The following PDE10A variants were observed in gnomAD, a reference collection of about 807,000 sequenced individuals.
The protein encoded by PDE10A is phosphodiesterase 10A.
Under a neutral mutation model 97.7 loss-of-function variants are expected in PDE10A, and 39 were observed. That is an observed-to-expected ratio of 0.40 (90% CI 0.31 to 0.52). The LOEUF is 0.52. PDE10A is among the 20% of genes least tolerant of loss of function. The pLI is 0.56. For synonymous variants in PDE10A, 371 were observed against 376.8 expected (o/e 0.98, Z 0.18); for missense variants, 731 against 1,047.8 (o/e 0.70, Z 4.17).
chr6:165,482,513 TA>T (rs1779665386), intron 2 of PDE10A, among the ~76,000 whole-genome samples, 170 bp from the exon 3 acceptor site: 1 of 152,212 alleles, frequency 6.6e-6, no homozygotes. Context: ...CATAACATAT[TA>T]CGAGTTAAGA....
At chr6:165,465,249 C>A (rs1778568151) in intron 3 of PDE10A, among the ~76,000 whole-genome samples, 1 of 152,208 alleles carries the variant, frequency 6.6e-6, no homozygotes, top group Admixed American at 6.5e-5. Context: ...TGAAGGAAAT[C>A]TGCGAGCTAC....
chr6:165,601,548 A>C (rs1786950134), intron 1 of PDE10A, among the ~76,000 whole-genome samples: 1 of 152,212 alleles, frequency 6.6e-6, no homozygotes, highest in Non-Finnish European at 1.5e-5. Context: ...TTTAAGATCC[A>C]ATTGCCCTGT....
At chr6:165,853,310 G>T (rs561397314) in intron 1 of PDE10A, among the ~76,000 whole-genome samples, 43 of 152,288 alleles carry the variant, frequency 2.8e-4, no homozygotes, top group Admixed American at 1.8e-3. Context: ...TGTCTGGAAG[G>T]CCACTGTGTT....
At chr6:165,514,518 G>A (rs1290464835) in intron 2 of PDE10A, among the ~76,000 whole-genome samples, 1 of 152,218 alleles carries the variant, frequency 6.6e-6, no homozygotes, top group Non-Finnish European at 1.5e-5. Flanking sequence ...ACTGGGAGCT[G>A]TGAAGAGATG....
intron 1 of PDE10A, among the ~76,000 whole-genome samples, chr6:165,559,510 T>C (rs1009761871): frequency 6.6e-6 from 1 of 152,218 alleles, no homozygotes; most frequent in Non-Finnish European, 1.5e-5. Flanking sequence ...TCTAGAACAA[T>C]TTGAAACATG....
intron 2 of PDE10A, among the ~76,000 whole-genome samples, chr6:165,488,066 C>T (rs888625983): frequency 7.3e-6 from 1 of 137,074 alleles, no homozygotes; most frequent in Non-Finnish European, 1.5e-5. Flanking sequence ...TTCCAGAGGA[C>T]ATTAATTTTT....
At chr6:165,403,368 A>G (rs1230594864) in intron 13 of PDE10A, among the ~76,000 whole-genome samples, 1 of 152,184 alleles carries the variant, frequency 6.6e-6, no homozygotes, top group African/African-American at 2.4e-5. Context: ...ATTATGGCGC[A>G]TGGGTAGCTT....
At chr6:165,626,962 C>G (rs1788417011) in intron 1 of PDE10A, among the ~76,000 whole-genome samples, 1 of 152,148 alleles carries the variant, frequency 6.6e-6, no homozygotes, top group African/African-American at 2.4e-5. Context: ...CAGATGGTGA[C>G]CCAGACTTGC....
At chr6:165,484,981 A>T (rs972731641) in intron 2 of PDE10A, among the ~76,000 whole-genome samples, 1 of 152,320 alleles carries the variant, frequency 6.6e-6, no homozygotes, top group South Asian at 2.1e-4. Flanking sequence ...ATGAGAAAGC[A>T]GAAGACTCCA....
chr6:165,912,034 CCTAT>C (rs141494260), intron 1 of PDE10A, among the ~76,000 whole-genome samples: 4,146 of 151,876 alleles, frequency 0.027, 175 homozygotes, highest in African/African-American at 0.096. Flanking sequence ...TCTCTTTTCA[CCTAT>C]CTATCTCTAT....
intron 1 of PDE10A, among the ~76,000 whole-genome samples, chr6:165,865,021 C>T (rs964048168): frequency 2.6e-5 from 4 of 152,118 alleles, no homozygotes; most frequent in African/African-American, 4.8e-5. Flanking sequence ...AAAATGTATG[C>T]TTTACCACCA....
At chr6:165,837,141 T>A (rs1336878508) in intron 1 of PDE10A, among the ~76,000 whole-genome samples, 1 of 151,504 alleles carries the variant, frequency 6.6e-6, no homozygotes, top group Non-Finnish European at 1.5e-5. Context: ...ATGGCACATG[T>A]ATACATATGT....
intron 1 of PDE10A, among the ~76,000 whole-genome samples, chr6:165,860,851 C>T (rs1183004141): frequency 6.6e-6 from 1 of 152,162 alleles, no homozygotes; most frequent in Non-Finnish European, 1.5e-5. Flanking sequence ...ACACAGAGGA[C>T]CTGAAGGGCT....
At chr6:165,610,530 C>CA (rs201763144) in intron 1 of PDE10A, among the ~76,000 whole-genome samples, 1,493 of 54,106 alleles carry the variant, frequency 0.028, 11 homozygotes, top group East Asian at 0.062. Flanking sequence ...GACTCCGTCT[C>CA]AAAAAAAAAA....
intron 19 of PDE10A, among the ~76,000 whole-genome samples, chr6:165,341,681 C>T (rs965690799): frequency 2.0e-5 from 3 of 152,190 alleles, no homozygotes; most frequent in East Asian, 3.8e-4. Flanking sequence ...AGCAACTCAA[C>T]TTTTTCTTGT....
At chr6:165,659,286 A>T (rs1038924387) in intron 1 of PDE10A, among the ~76,000 whole-genome samples, 1 of 152,244 alleles carries the variant, frequency 6.6e-6, no homozygotes, top group East Asian at 1.9e-4. Context: ...GAAAGAAAAA[A>T]AAAAGGAATG....
intron 1 of PDE10A, among the ~76,000 whole-genome samples, chr6:165,688,638 A>G (rs530419247): frequency 6.6e-5 from 10 of 152,388 alleles, no homozygotes; most frequent in Non-Finnish European, 1.2e-4. Context: ...GGATCTAGAA[A>G]GATCTCCAGG....
chr6:165,473,047 T>A (rs1779102466), intron 3 of PDE10A, among the ~76,000 whole-genome samples: 1 of 152,130 alleles, frequency 6.6e-6, no homozygotes, highest in Admixed American at 6.5e-5. Context: ...ATAACCAGTC[T>A]ATGAAAATTT....
At position 165,711,847 on chromosome 6, in the gene PDE10A, G is replaced by A. The variant is rs1035541754; in HGVS notation, c.-614-168279C>T. Among the ~76,000 whole-genome samples, 1 of 152,194 alleles carries A rather than the reference G, an allele frequency of 6.6e-6. No homozygotes were observed. On this transcript the variant is annotated intron_variant, in intron 1 of 19. Coordinates refer to the PDE10A transcript ENST00000366882. This position sits in a 1 kb window ranked among gnomAD's most constrained non-coding sequence, Gnocchi z 4.5. ...AGTGTAAAATGCTTTAGCATAAACA[G>A]CGGGATGTAGGAGTGTGTTGGTTGG...
Sources: allele counts gnomAD v4.1 joint callset (sites outside exome capture counted in the v4.1 genomes callset), GRCh38; gene constraint gnomAD v4.1.1; non-coding constraint Gnocchi (gnomAD v3.1); transcripts MANE v1.5; gene names NCBI Gene and HGNC (gene_info 2026-07-23, HGNC 2026-07-21).